The following KNTC1 variants were observed in gnomAD, a reference collection of about 807,000 sequenced individuals.
The protein encoded by KNTC1 is kinetochore-associated protein 1.
Under a neutral mutation model 314.4 loss-of-function variants are expected in KNTC1, and 253 were observed. That is an observed-to-expected ratio of 0.80 (90% confidence interval 0.73 to 0.89). The LOEUF (loss-of-function observed/expected upper bound fraction) is 0.89. KNTC1 is among the 40% of genes least tolerant of loss of function. The pLI, the probability that KNTC1 is intolerant of heterozygous loss-of-function variation, is 0.00. For synonymous variants in KNTC1, 901 were observed against 901.4 expected (o/e 1.00, Z 0.01); for missense variants, 2,475 against 2,572.9 (o/e 0.96, Z 0.82).
intron 42 of KNTC1, among the ~76,000 whole-genome samples, chr12:122,592,269 G>A (rs191467282): frequency 1.2e-3 from 189 of 152,356 alleles, no homozygotes; most frequent in Middle Eastern, 6.8e-3. Flanking sequence ...CACGGGGCAG[G>A]CCTTGGGACT....
chr12:122,562,436 G>GTT (rs1262108873), intron 19 of KNTC1, among the ~76,000 whole-genome samples: 1,390 of 116,608 alleles, frequency 0.012, 20 homozygotes, highest in African/African-American at 0.046. Flanking sequence ...CTTATCCCAT[G>GTT]TTTTGTGTGT....
intron 45 of KNTC1, 168 bp from the exon 46 acceptor site, chr12:122,602,401 G>C (rs1872045582): frequency 1.9e-6 from 1 of 525,258 alleles, no homozygotes; most frequent in African/African-American, 1.9e-5. Flanking sequence ...ATAAATTATA[G>C]TTTAGATGAA....
At chr12:122,556,083 G>T (rs1217863030) in intron 16 of KNTC1, among the ~76,000 whole-genome samples, 2 of 151,682 alleles carry the variant, frequency 1.3e-5, no homozygotes, top group Non-Finnish European at 2.9e-5. Context: ...CGCGATTTTG[G>T]CTCACTACAA....
intron 29 of KNTC1, among the ~76,000 whole-genome samples, chr12:122,576,473 G>A (rs1965027473): frequency 6.6e-6 from 1 of 152,196 alleles, no homozygotes; most frequent in East Asian, 1.9e-4. Context: ...GAGGTCAAGA[G>A]ATCAAGACCA....
rs368308899 is a variant in KNTC1, at chr12:122,555,047, AACAG to A, written c.1273-2333_1273-2330del. Among the ~76,000 whole-genome samples, 926 of 152,202 alleles carry A rather than the reference AACAG, an allele frequency of 6.1e-3. 13 individuals are homozygous for A. The highest frequency in any genetic ancestry group is 0.021 in the African/African-American group (886 of 41,512). On this transcript the variant is annotated intron_variant, in intron 16 of 63. Coordinates refer to ENST00000333479, the MANE Select transcript of KNTC1 (RefSeq NM_014708.6). ...GTGACAGAGCGAGATCTTGTCTCTA[AACAG>A]ACAAACAAAATCGACTCTGTAACTT...
intron 35 of KNTC1, 37 bp from the exon 36 acceptor site, chr12:122,584,856 A>T (rs766417730): frequency 9.6e-6 from 10 of 1,046,956 alleles, no homozygotes; most frequent in East Asian, 4.7e-5. Flanking sequence ...AAAGACATGA[A>T]ATATGAGTTT....
intron 39 of KNTC1, 84 bp from the exon 40 acceptor site, chr12:122,588,628 C>A (rs2138028575): frequency 1.4e-5 from 14 of 976,814 alleles, no homozygotes; most frequent in Admixed American, 3.8e-5. Context: ...GATGAATTTT[C>A]ACCAAAGTTC....
At chr12:122,575,281 A>T (rs186932026) in intron 27 of KNTC1, among the ~76,000 whole-genome samples, 17 of 152,312 alleles carry the variant, frequency 1.1e-4, no homozygotes, top group African/African-American at 2.9e-4. Flanking sequence ...AAAAAAACCC[A>T]GGGATTGTAG....
intron 20 of KNTC1, among the ~76,000 whole-genome samples, chr12:122,565,113 A>T (rs1054466563): frequency 7.2e-5 from 11 of 151,908 alleles, no homozygotes; most frequent in Admixed American, 4.6e-4. Flanking sequence ...ATGCAAAAAA[A>T]TTTTTTTTAA....
chr12:122,547,843 A>G, intron 11 of KNTC1, 72 bp from the exon 12 acceptor site: 1 of 854,738 alleles, frequency 1.2e-6, no homozygotes, highest in South Asian at 1.8e-5. Flanking sequence ...TTTTTTAATC[A>G]ATAGATAATA....
chr12:122,626,113 A>T, intron 63 of KNTC1, 92 bp from the exon 64 acceptor site: 1 of 852,222 alleles, frequency 1.2e-6, no homozygotes, highest in Non-Finnish European at 1.9e-6. Flanking sequence ...GATTTGTATC[A>T]CTTCACTTAA....
Position 122,546,517 on chromosome 12 carries a change from C to G in KNTC1, c.764-105C>G, listed in dbSNP as rs1377462668. The G allele has an allele frequency of 7.8e-6, 6 of 768,626 alleles. No individual in the cohort carries two copies. The East Asian group carries it at 8.1e-5, about 10-fold the overall frequency. The allele number at this position is 768,626 out of a possible 1,614,324, so 47.6% of individuals were successfully genotyped here. ...AGGCAGGAATAAAGGAAAATGGGAC[C>G]TAGTAATTATGTAGTTCTGCCTTTC... is the stretch of plus-strand genomic sequence containing the variant. On this transcript the variant is annotated intron_variant, in intron 9 of 63. Coordinates refer to ENST00000333479, the MANE Select transcript of KNTC1 (RefSeq NM_014708.6).
intron 30 of KNTC1, among the ~76,000 whole-genome samples, chr12:122,577,315 C>T (rs1161188032): frequency 6.6e-6 from 1 of 152,074 alleles, no homozygotes; most frequent in Non-Finnish European, 1.5e-5. Context: ...TAGGAATTAA[C>T]TCTTCAGTAT....
intron 3 of KNTC1, among the ~76,000 whole-genome samples, chr12:122,536,841 A>G (rs1961878446): frequency 2.0e-5 from 3 of 152,218 alleles, no homozygotes; most frequent in Admixed American, 2.0e-4. Flanking sequence ...TTTAAGAGAA[A>G]GATAGTTGTT....
rs772245787 is a variant in KNTC1, at chr12:122,572,995, G to A, written c.2078G>A (p.Arg693Gln). 6.2e-6 allele frequency: 10 copies of A among 1,609,026 alleles called. No homozygotes were observed. The highest frequency in any genetic ancestry group is 2.7e-5 in the African/African-American group (2 of 74,870). Reference protein sequence around the residue: ...CQLRTLVNNLRELITLHRKYN... With the variant: ...CQLRTLVNNLQELITLHRKYN... ...CTAAGGACTTTGGTAAATAACTTGC[G>A]AGAGTTGATCACGTTGCATAGGAAG... is the stretch of plus-strand genomic sequence containing the variant. The change falls in exon 25 of 64, where the codon CGA (arginine) becomes CAA (glutamine). Residue 693 changes from arginine (R) to glutamine (Q), a missense_variant. Physicochemically the swap from Arg to Gln is conservative, Grantham distance 43. Transcript: ENST00000333479.
intron 20 of KNTC1, among the ~76,000 whole-genome samples, chr12:122,565,952 C>CTTTTT (rs527446641): frequency 7.8e-6 from 1 of 128,254 alleles, no homozygotes; most frequent in Admixed American, 8.1e-5. Flanking sequence ...ACGTTTCAAT[C>CTTTTT]TTTTTTTTTT....
chr12:122,604,951 T>C lies in KNTC1; in HGVS notation c.5250T>C (p.Ala1750=). Reference sequence around the variant, plus strand: ...AGTACCGGCGATCGGGCACAGAAGCTGTGCTCATAGCCCACAAGCTGAACA... The same window carrying C: ...AGTACCGGCGATCGGGCACAGAAGCCGTGCTCATAGCCCACAAGCTGAACA... ...HIQYRRSGTE[A]VLIAHKLNTE... Residue 1750 remains alanine (A), a synonymous_variant, in exon 50 of 64, where the codon GCT becomes GCC. Transcript: ENST00000333479. 1 of 1,612,070 alleles carries C rather than the reference T, an allele frequency of 6.2e-7. No individual in the cohort carries two copies. Among genetic ancestry groups the C allele is most frequent in the Non-Finnish European group, 8.5e-7 (1 of 1,179,046 alleles).
intron 55 of KNTC1, among the ~76,000 whole-genome samples, chr12:122,614,300 C>G (rs1873516189): frequency 6.6e-6 from 1 of 152,186 alleles, no homozygotes. Context: ...TTTATAATCT[C>G]TTCCACGGCT....
In KNTC1 at chr12:122,547,479, T is replaced by C. The variant is rs1962868192; in HGVS notation, c.881T>C (p.Val294Ala). ...GTATGGAACTGGCCCTCTCTTCACG[T>C]AGAAGAGTTTCTTCTTACTACAGAA... The part of the protein sequence containing the change: ...TPVWNWPSLH[V>A]EEFLLTTEAD... Residue 294 changes from valine (V) to alanine (A), a missense_variant, in exon 11 of 64, where the codon GTA becomes GCA. Coordinates refer to ENST00000333479, the MANE Select transcript of KNTC1 (RefSeq NM_014708.6). The C allele has an allele frequency of 2.5e-6, 4 of 1,613,194 alleles. No individual in the cohort carries two copies. The highest frequency in any genetic ancestry group is 1.3e-5 in the African/African-American group (1 of 75,048).
Sources: gnomAD v4.1 joint callset for allele counts (sites outside exome capture counted in the v4.1 genomes callset) on GRCh38, gnomAD v4.1.1 for gene constraint, MANE v1.5 for transcripts, NCBI Gene and HGNC (gene_info 2026-07-23, HGNC 2026-07-21) for gene names.